Variants in NRG1 observed in about 807,000 individuals in gnomAD.
NRG1 encodes the protein pro-neuregulin-1, membrane-bound isoform.
Under a neutral mutation model 63.8 loss-of-function variants are expected in NRG1, and 18 were observed. The observed-to-expected ratio is 0.28, with a 90% CI of 0.19 to 0.42. The LOEUF (loss-of-function observed/expected upper bound fraction) is 0.42, where lower values mean the gene tolerates loss of function less well. Among genes scored for constraint, NRG1 ranks in the 10% least tolerant of loss-of-function variants. The pLI is 1.00. For missense variants in NRG1, 762 were observed against 814.7 expected, an observed-to-expected ratio of 0.94 and a Z score of 0.79; for synonymous variants, 302 against 301.3, an observed-to-expected ratio of 1.00 and a Z score of -0.02.
At chr8:32,643,938 A>G (rs1349698407) in intron 5 of NRG1, among the ~76,000 whole-genome samples, 3 of 152,192 alleles carry the variant, frequency 2.0e-5, no homozygotes, top group Non-Finnish European at 4.4e-5. Context: ...CAATAATATA[A>G]TCAAATGCAC....
chr8:32,206,140 A>T (rs904779993), intron 1 of NRG1, among the ~76,000 whole-genome samples: 8 of 152,124 alleles, frequency 5.3e-5, no homozygotes, highest in Non-Finnish European at 1.0e-4. Context: ...AAAACATTAG[A>T]ACTGAAACTA....
intron 1 of NRG1, among the ~76,000 whole-genome samples, chr8:31,792,126 T>G (rs575179355): frequency 1.3e-5 from 2 of 152,332 alleles, no homozygotes; most frequent in South Asian, 4.1e-4. Flanking sequence ...TGGGTCTTAG[T>G]GCTCATCCTT....
chr8:32,702,278 G>C (rs1815113585), intron 5 of NRG1, among the ~76,000 whole-genome samples: 1 of 152,190 alleles, frequency 6.6e-6, no homozygotes, highest in South Asian at 2.1e-4. Context: ...GAAAAAGCTG[G>C]TGGAAAAATG....
At chr8:32,647,220 C>G in intron 5 of NRG1, 1 of 985,392 alleles carries the variant, frequency 1.0e-6, no homozygotes, top group South Asian at 4.7e-5. Context: ...GCTATTGTCA[C>G]TACTGCCTCT....
intron 1 of NRG1, among the ~76,000 whole-genome samples, chr8:32,128,528 G>GT (rs1229392036): frequency 1.3e-5 from 2 of 151,916 alleles, no homozygotes; most frequent in African/African-American, 4.8e-5. Flanking sequence ...TTTGGTGGAA[G>GT]TTTCACGTAA....
intron 1 of NRG1, chr8:32,287,165 A>G (rs887012495): frequency 6.6e-6 from 1 of 152,230 alleles, no homozygotes; most frequent in Admixed American, 6.5e-5. Flanking sequence ...TTCATCTATC[A>G]TACTACCCGA....
At chr8:31,879,899 T>C (rs1357398899) in intron 1 of NRG1, among the ~76,000 whole-genome samples, 3 of 152,256 alleles carry the variant, frequency 2.0e-5, no homozygotes, top group African/African-American at 7.2e-5. Context: ...GTGTTCTTTT[T>C]TATGGATGCA....
intron 1 of NRG1, among the ~76,000 whole-genome samples, chr8:32,590,763 C>A (rs1225031267): frequency 1.3e-5 from 2 of 151,978 alleles, no homozygotes; most frequent in African/African-American, 4.8e-5. Flanking sequence ...TTTATATAAT[C>A]TCTGACAAAA....
rs551547096 is a variant in NRG1, at chr8:31,720,011, T to G, written c.37+80580T>G. ...TGCACTCTGGAAAGGCCTTCTGGAA[T>G]GTCCTTATTTCTGTGTGAGTGTGAT... On this transcript the variant is annotated intron_variant, in intron 1 of 10. Coordinates refer to the NRG1 transcript ENST00000519301. Among the ~76,000 whole-genome samples the G allele has an allele frequency of 1.1e-4, 17 of 152,262 alleles. No homozygotes were observed. In the East Asian group the frequency reaches 3.3e-3, roughly 29 times the overall value.
rs71208138 is a variant in NRG1 at position 31,691,594 on chromosome 8, C to CAAAAAAAAAAA, written c.37+52180_37+52190dup. ...TGGGTGACAGAGTGAGACTCTGTCT[C>CAAAAAAAAAAA]AAAAAAAAAAAAAAAAAAAAAAAAA... On this transcript the variant is annotated intron_variant, in intron 1 of 10. Transcript: ENST00000519301. Among the ~76,000 whole-genome samples, 21 of 34,994 alleles carry CAAAAAAAAAAA rather than the reference C, an allele frequency of 6.0e-4. 6 individuals carry two copies. Among genetic ancestry groups the CAAAAAAAAAAA allele is most frequent in the Non-Finnish European group, 8.1e-4 (18 of 22,316 alleles). 23.0% of individuals were successfully genotyped at this position (34,994 alleles called of 152,430 possible).
intron 1 of NRG1, among the ~76,000 whole-genome samples, chr8:32,496,053 C>G (rs1001597370): frequency 5.9e-5 from 9 of 152,052 alleles, no homozygotes; most frequent in African/African-American, 1.7e-4. Context: ...TTTACAAAGA[C>G]AGATGATATT....
chr8:32,414,686 G>A (rs977085663), intron 1 of NRG1, among the ~76,000 whole-genome samples: 11 of 152,138 alleles, frequency 7.2e-5, no homozygotes, highest in African/African-American at 1.4e-4. Context: ...TAGTGCCAAC[G>A]TGCCTGGAAA....
At chr8:32,401,287 AC>A (rs1206603928) in intron 1 of NRG1, among the ~76,000 whole-genome samples, 2 of 152,192 alleles carry the variant, frequency 1.3e-5, no homozygotes, top group African/African-American at 4.8e-5. Flanking sequence ...GTACCCCTGA[AC>A]CTAAAATACA....
At chr8:31,961,607 C>G (rs1805463832) in intron 1 of NRG1, among the ~76,000 whole-genome samples, 1 of 152,076 alleles carries the variant, frequency 6.6e-6, no homozygotes, top group Admixed American at 6.5e-5. Context: ...AGATACTGAT[C>G]TTGTATTTTT....
chr8:31,719,700 G>T (rs1424326353), intron 1 of NRG1, among the ~76,000 whole-genome samples: 1 of 152,178 alleles, frequency 6.6e-6, no homozygotes, highest in Non-Finnish European at 1.5e-5. Flanking sequence ...TGATGTAAAA[G>T]ATGGCACACC....
chr8:31,870,017 A>G (rs1829339638), intron 1 of NRG1, among the ~76,000 whole-genome samples: 1 of 152,228 alleles, frequency 6.6e-6, no homozygotes, highest in African/African-American at 2.4e-5. Flanking sequence ...TTGTCAGAAA[A>G]TAAGTGGGAA....
chr8:32,769,982 C>T (rs1252063835), downstream of NRG1, among the ~76,000 whole-genome samples: 1 of 152,070 alleles, frequency 6.6e-6, no homozygotes, highest in African/African-American at 2.4e-5. Flanking sequence ...TAAAAACAGA[C>T]CAGGAGAAGG....
At chr8:32,116,954 T>G (rs1190837373) in intron 1 of NRG1, among the ~76,000 whole-genome samples, 1 of 114,492 alleles carries the variant, frequency 8.7e-6, no homozygotes, top group Non-Finnish European at 1.7e-5. Context: ...CCAACCAATA[T>G]AGAGACCCTG....
At chr8:32,500,268 C>G (rs941828791) in intron 1 of NRG1, among the ~76,000 whole-genome samples, 2 of 152,138 alleles carry the variant, frequency 1.3e-5, no homozygotes, top group African/African-American at 2.4e-5. Flanking sequence ...GTAAGCCAAG[C>G]CAAGAACTAG....
Sources: allele counts gnomAD v4.1 joint callset (sites outside exome capture counted in the v4.1 genomes callset), GRCh38; gene constraint gnomAD v4.1.1; transcripts MANE v1.5; gene names NCBI Gene and HGNC (gene_info 2026-07-23, HGNC 2026-07-21).